The following TYW3 variants were observed in gnomAD, a reference collection of about 807,000 sequenced individuals.
TYW3 encodes tRNA wybutosine-synthesizing protein 3 homolog.
A neutral mutation model predicts 23.1 loss-of-function variants in TYW3; 26 were observed. That is an observed-to-expected ratio of 1.13 (90% confidence interval 0.83 to 1.56). The LOEUF is 1.56. Ranked by LOEUF, TYW3 falls within the 40% of genes most tolerant of loss-of-function variation. The pLI is 0.00. For synonymous variants in TYW3, 102 were observed against 105.7 expected (o/e 0.97, Z 0.21); for missense variants, 316 against 311.9 (o/e 1.01, Z -0.10).
At chr1:74,741,207 G>T (rs1648347874) in intron 3 of TYW3, among the ~76,000 whole-genome samples, 1 of 152,198 alleles carries the variant, frequency 6.6e-6, no homozygotes, top group South Asian at 2.1e-4. Flanking sequence ...AAGGGGTAAA[G>T]AGAGGTGTTA....
intron 3 of TYW3, among the ~76,000 whole-genome samples, chr1:74,740,093 C>T (rs973111783): frequency 1.3e-5 from 2 of 152,126 alleles, no homozygotes; most frequent in East Asian, 1.9e-4. Flanking sequence ...AGAATGAAGC[C>T]GTGGACCCTC....
rs187029011 is a variant in TYW3 at position 74,738,346 on chromosome 1, T to A, written c.256-344T>A. Among the ~76,000 whole-genome samples, 43 of 152,276 alleles carry A rather than the reference T, an allele frequency of 2.8e-4. No homozygotes were observed. The East Asian group carries it at 8.1e-3, about 29-fold the overall frequency. On this transcript the variant is annotated intron_variant, in intron 2 of 5. Transcript: ENST00000370867. ...CATTACATTTGTCTCTATCTCAATC[T>A]AACAAAAAATTTAAACAATCCTAAT...
At chr1:74,752,474 C>T in intron 5 of TYW3, 49 bp downstream of exon 5, 6 of 1,544,042 alleles carry the variant, frequency 3.9e-6, no homozygotes, top group Non-Finnish European at 5.3e-6. Flanking sequence ...CTAGATCATC[C>T]TTGAAAACAT....
At chr1:74,747,901 ATATATACACACG>A (rs1321373446) in intron 3 of TYW3, among the ~76,000 whole-genome samples, 1 of 150,322 alleles carries the variant, frequency 6.7e-6, no homozygotes, top group Non-Finnish European at 1.5e-5. Flanking sequence ...ATATACACAC[ATATATACACACG>A]TATATACATA....
At chr1:74,738,920 C>A (rs374951745) in intron 3 of TYW3, 132 bp downstream of exon 3, 2 of 468,748 alleles carry the variant, frequency 4.3e-6, no homozygotes, top group Non-Finnish European at 7.1e-6. Context: ...ATTTATTGGT[C>A]TGCTCAATCT....
rs761397828 is a variant in TYW3, at chr1:74,764,027, A to G, written c.694A>G (p.Ile232Val). Residue 232 changes from isoleucine to valine, a missense_variant, in exon 6 of 6, where the codon ATT becomes GTT. By Grantham distance (29) the Ile-to-Val change is conservative. Transcript: ENST00000370867. ...CCCAGAAAAAACACGTGCCCAGTGT[A>G]TTACTAAAGAAAGTGATGAAGAACT... is the stretch of plus-strand genomic sequence containing the variant. Reference protein sequence around the residue: ...RNPEKTRAQCITKESDEELEN... With the variant: ...RNPEKTRAQCVTKESDEELEN... 4 of 1,613,384 alleles carry G rather than the reference A, an allele frequency of 2.5e-6. No homozygotes were observed. Among genetic ancestry groups the G allele is most frequent in the Non-Finnish European group, 3.4e-6 (4 of 1,179,642 alleles).
chr1:74,765,510 A>C lies in TYW3; in HGVS notation c.*1397A>C, dbSNP rs12026455. On this transcript the variant is annotated 3_prime_UTR_variant, in exon 6 of 6. Transcript: ENST00000370867. The stretch of plus-strand genomic sequence containing the variant: ...CAACATATACAGCAGTCCTTCTGGG[A>C]AGGAAATTTGGGCAGGAAAGGGAAC... 3 of 152,234 alleles carry C rather than the reference A, an allele frequency of 2.0e-5. No homozygotes were observed. The East Asian group carries it at 5.8e-4, about 29-fold the overall frequency. 9.4% of individuals were successfully genotyped at this position (152,234 alleles called of 1,614,324 possible).
At chr1:74,748,550 A>C in intron 3 of TYW3, 208 of 455,818 alleles carry the variant, frequency 4.6e-4, no homozygotes, top group East Asian at 8.4e-4. Context: ...ACACATCCAT[A>C]GTTCATATTT....
At position 74,740,796 on chromosome 1, in the gene TYW3, C is replaced by T. The variant is rs116658230; in HGVS notation, c.354+2008C>T. Among the ~76,000 whole-genome samples, 1,518 of 152,074 alleles carry T rather than the reference C, an allele frequency of 1.0e-2. 38 individuals carry two copies. The highest frequency in any genetic ancestry group is 0.035 in the African/African-American group (1,433 of 41,458). ...GCATTTACAGTCCTTTAGCTACACA[C>T]AGAGCGCTAATTGGTGCGTTTTTAC... On this transcript the variant is annotated intron_variant, in intron 3 of 5. Transcript: ENST00000370867.
At chr1:74,754,739 A>G (rs1246653921) in intron 5 of TYW3, among the ~76,000 whole-genome samples, 1 of 152,146 alleles carries the variant, frequency 6.6e-6, no homozygotes, top group Non-Finnish European at 1.5e-5. Context: ...ATGAGAAACA[A>G]TTCCTAAGCC....
intron 3 of TYW3, among the ~76,000 whole-genome samples, chr1:74,743,776 A>G (rs908429366): frequency 2.0e-5 from 3 of 152,100 alleles, no homozygotes; most frequent in Non-Finnish European, 4.4e-5. Flanking sequence ...TGACTGAGAT[A>G]TCAGGTATCT....
intron 5 of TYW3, among the ~76,000 whole-genome samples, chr1:74,755,004 C>T (rs186573744): frequency 8.5e-5 from 13 of 152,216 alleles, no homozygotes; most frequent in African/African-American, 2.4e-4. Context: ...CAGATGAAAC[C>T]ATCATCTGGC....
In TYW3 at chr1:74,753,193, T is replaced by C. The variant is rs926100960; in HGVS notation, c.560+768T>C. ...CAATTTGATGTCGTTTATAATTTTCTTTTTTCTTCTCTCCACTCTTTTGGC... is the reference window on the plus strand; with the variant it reads ...CAATTTGATGTCGTTTATAATTTTCCTTTTTCTTCTCTCCACTCTTTTGGC... On this transcript the variant is annotated intron_variant, in intron 5 of 5. Coordinates refer to ENST00000370867, the MANE Select transcript of TYW3 (RefSeq NM_138467.3). Among the ~76,000 whole-genome samples, 7 of 152,238 alleles carry C rather than the reference T, an allele frequency of 4.6e-5. No individual in the cohort carries two copies. In the East Asian group the frequency reaches 9.6e-4, roughly 21 times the overall value.
chr1:74,738,996 A>G (rs1011543643), intron 3 of TYW3, among the ~76,000 whole-genome samples: 4 of 152,176 alleles, frequency 2.6e-5, no homozygotes, highest in Non-Finnish European at 5.9e-5. Context: ...GTCCCAGGTT[A>G]TGCTTCCTGT....
At chr1:74,755,294 C>T (rs1648914953) in intron 5 of TYW3, among the ~76,000 whole-genome samples, 1 of 152,148 alleles carries the variant, frequency 6.6e-6, no homozygotes, top group South Asian at 2.1e-4. Flanking sequence ...AGAACGTTTT[C>T]ATCATCACAA....
intron 5 of TYW3, among the ~76,000 whole-genome samples, chr1:74,762,303 CAA>C (rs1649162156): frequency 6.6e-6 from 1 of 152,006 alleles, no homozygotes; most frequent in African/African-American, 2.4e-5. Context: ...TTGAATCAAA[CAA>C]AGATGAAAAT....
At chr1:74,745,334 GC>G (rs1377678738) in intron 3 of TYW3, among the ~76,000 whole-genome samples, 1 of 152,086 alleles carries the variant, frequency 6.6e-6, no homozygotes, top group Non-Finnish European at 1.5e-5. Flanking sequence ...CCCTTATTTG[GC>G]CCCACCCACA....
intron 5 of TYW3, among the ~76,000 whole-genome samples, chr1:74,762,024 G>T (rs1036394144): frequency 6.6e-6 from 1 of 152,052 alleles, no homozygotes; most frequent in Non-Finnish European, 1.5e-5. Flanking sequence ...TGTATGTCAC[G>T]CATCTCAGTC....
chr1:74,755,837 A>G (rs774261890), intron 5 of TYW3, among the ~76,000 whole-genome samples: 97 of 152,210 alleles, frequency 6.4e-4, no homozygotes, highest in Non-Finnish European at 1.2e-3. Context: ...GGAAAAAGAG[A>G]TAGTGATATG....
Sources: gnomAD v4.1 joint callset for allele counts (sites outside exome capture counted in the v4.1 genomes callset) on GRCh38, gnomAD v4.1.1 for gene constraint, MANE v1.5 for transcripts, NCBI Gene and HGNC (gene_info 2026-07-23, HGNC 2026-07-21) for gene names.